Variants in GRID1 observed in about 807,000 individuals in gnomAD.
The protein encoded by GRID1 is glutamate ionotropic receptor delta type subunit 1, also known as glutamate receptor ionotropic, delta-1.
Under a neutral mutation model 98.0 loss-of-function variants are expected in GRID1, and 28 were observed. That is an observed-to-expected ratio of 0.29 (90% confidence interval 0.21 to 0.39). The LOEUF (loss-of-function observed/expected upper bound fraction) is 0.39, where lower values mean the gene tolerates loss of function less well. Among genes scored for constraint, GRID1 ranks in the 10% least tolerant of loss-of-function variants. The pLI is 1.00. For missense variants in GRID1, 1,111 were observed against 1,340.5 expected, an observed-to-expected ratio of 0.83 and a Z score of 2.67; for synonymous variants, 553 against 538.5, an observed-to-expected ratio of 1.03 and a Z score of -0.37.
At chr10:86,221,159 TCTC>T (rs1846249421) in intron 2 of GRID1, among the ~76,000 whole-genome samples, 2 of 152,162 alleles carry the variant, frequency 1.3e-5, no homozygotes, top group South Asian at 4.2e-4. Flanking sequence ...AAATCGGAAA[TCTC>T]CTGCAGCCAG....
intron 13 of GRID1, among the ~76,000 whole-genome samples, chr10:85,621,264 G>T (rs913919643): frequency 1.3e-5 from 2 of 152,090 alleles, no homozygotes; most frequent in African/African-American, 4.8e-5. Context: ...GATGATGGGG[G>T]CCTCATTATG....
At chr10:86,171,907 G>A (rs1041004271) in intron 3 of GRID1, among the ~76,000 whole-genome samples, 12 of 151,964 alleles carry the variant, frequency 7.9e-5, no homozygotes, top group African/African-American at 2.7e-4. Context: ...GAAACCCTAC[G>A]CGGCATGCCA....
intron 12 of GRID1, among the ~76,000 whole-genome samples, chr10:85,706,630 C>T (rs1841522155): frequency 6.6e-6 from 1 of 152,024 alleles, no homozygotes; most frequent in Non-Finnish European, 1.5e-5. Flanking sequence ...TCATATGGAA[C>T]CAAAAAAGAG....
At chr10:86,228,041 T>C (rs963433195) in intron 2 of GRID1, among the ~76,000 whole-genome samples, 4 of 151,500 alleles carry the variant, frequency 2.6e-5, no homozygotes, top group Non-Finnish European at 5.9e-5. Context: ...GAAGGAAAGA[T>C]GGTTGAATGC....
chr10:85,731,582 C>T (rs1218231875), intron 8 of GRID1, among the ~76,000 whole-genome samples: 1 of 151,934 alleles, frequency 6.6e-6, no homozygotes, highest in African/African-American at 2.4e-5. Flanking sequence ...GGGTGGATCG[C>T]TTGAGTCCAG....
intron 12 of GRID1, among the ~76,000 whole-genome samples, chr10:85,652,799 G>T (rs1363661431): frequency 6.6e-6 from 1 of 152,116 alleles, no homozygotes; most frequent in African/African-American, 2.4e-5. Context: ...GCAGGGGAAG[G>T]CTTCCTAGGT....
At chr10:85,802,838 A>AAC (rs59101010) in intron 8 of GRID1, among the ~76,000 whole-genome samples, 28,458 of 120,606 alleles carry the variant, frequency 0.24, 3,539 homozygotes, top group Non-Finnish European at 0.29. Flanking sequence ...AAGCAGAATA[A>AAC]ACACACACAC....
chr10:86,118,187 C>T (rs1460110915), intron 4 of GRID1, among the ~76,000 whole-genome samples: 1 of 152,128 alleles, frequency 6.6e-6, no homozygotes, highest in Non-Finnish European at 1.5e-5. Flanking sequence ...TCACAGCAAC[C>T]TGGATGGAAC....
rs1329417015 is a variant in GRID1, at chr10:86,313,334, T to C, written c.235+50607A>G. Among the ~76,000 whole-genome samples, 5 of 152,340 alleles carry C rather than the reference T, an allele frequency of 3.3e-5. No individual in the cohort carries two copies. The East Asian group carries it at 9.6e-4, about 29-fold the overall frequency. On this transcript the variant is annotated intron_variant, in intron 2 of 15. Coordinates refer to ENST00000327946, the MANE Select transcript of GRID1 (RefSeq NM_017551.3). ...GGTCATCTTCACAACAACCCTGAGA[T>C]GTTGACAGATAAGGATACAGAGGTT...
intron 5 of GRID1, among the ~76,000 whole-genome samples, chr10:85,886,564 C>A (rs1403429005): frequency 6.6e-6 from 1 of 152,054 alleles, no homozygotes; most frequent in African/African-American, 2.4e-5. Context: ...CAATGATGGA[C>A]ATGTGGGTGT....
chr10:85,796,967 A>G (rs551087615), intron 8 of GRID1, among the ~76,000 whole-genome samples: 1 of 152,336 alleles, frequency 6.6e-6, no homozygotes, highest in East Asian at 1.9e-4. Flanking sequence ...TCCAAATAAG[A>G]AAAGAAACAA....
At chr10:85,793,420 T>A (rs1590234698) in intron 8 of GRID1, among the ~76,000 whole-genome samples, 1 of 152,236 alleles carries the variant, frequency 6.6e-6, no homozygotes, top group Admixed American at 6.5e-5. Context: ...GCATTGTCTG[T>A]CAGTGATCTC....
At chr10:86,262,466 G>T (rs1847030613) in intron 2 of GRID1, among the ~76,000 whole-genome samples, 1 of 152,200 alleles carries the variant, frequency 6.6e-6, no homozygotes, top group Non-Finnish European at 1.5e-5. Context: ...GGCCCAGCCG[G>T]ACAGCAGCCT....
intron 2 of GRID1, among the ~76,000 whole-genome samples, chr10:86,308,814 G>C (rs748926252): frequency 3.3e-5 from 5 of 152,120 alleles, no homozygotes; most frequent in Non-Finnish European, 7.3e-5. Context: ...GCACGAGAGA[G>C]CACGAGAGGG....
At chr10:85,804,474 A>G (rs1414583870) in intron 8 of GRID1, among the ~76,000 whole-genome samples, 1 of 151,866 alleles carries the variant, frequency 6.6e-6, no homozygotes, top group Non-Finnish European at 1.5e-5. Context: ...AAACAACTTC[A>G]GACAGAACAG....
At chr10:85,737,944 A>C (rs1305297526) in intron 8 of GRID1, among the ~76,000 whole-genome samples, 1 of 151,864 alleles carries the variant, frequency 6.6e-6, no homozygotes, top group Non-Finnish European at 1.5e-5. Flanking sequence ...GTAGTTATTA[A>C]AGTGGGTAAG....
intron 2 of GRID1, among the ~76,000 whole-genome samples, chr10:86,284,766 A>C (rs977359300): frequency 2.6e-5 from 4 of 152,238 alleles, no homozygotes; most frequent in African/African-American, 9.6e-5. Context: ...CACTGTCAGG[A>C]GCCAAAATCC....
At chr10:86,329,029 G>T (rs1470851275) in intron 2 of GRID1, among the ~76,000 whole-genome samples, 3 of 152,224 alleles carry the variant, frequency 2.0e-5, no homozygotes, top group Non-Finnish European at 4.4e-5. Flanking sequence ...CTGTCACTAT[G>T]GGCTGGGTGA....
chr10:86,073,342 T>C (rs1447132682), intron 4 of GRID1, among the ~76,000 whole-genome samples: 1 of 152,184 alleles, frequency 6.6e-6, no homozygotes, highest in Admixed American at 6.5e-5. Context: ...GACTGGTGTT[T>C]ATTCCCTGTT....
Sources: allele counts gnomAD v4.1 joint callset (sites outside exome capture counted in the v4.1 genomes callset), GRCh38; gene constraint gnomAD v4.1.1; transcripts MANE v1.5; gene names NCBI Gene and HGNC (gene_info 2026-07-23, HGNC 2026-07-21).